Variants in ICA1 observed in about 807,000 individuals in gnomAD.
ICA1 encodes the protein islet cell autoantigen 1.
ICA1 carries 40 observed loss-of-function variants against 71.0 expected under a neutral mutation model. The observed-to-expected ratio is 0.56, with a 90% CI of 0.44 to 0.73. The LOEUF is 0.73. Ranked by LOEUF, ICA1 falls within the 30% of genes least tolerant of loss-of-function variation. The pLI is 0.00. For synonymous variants in ICA1, 207 were observed against 209.5 expected (o/e 0.99, Z 0.10); for missense variants, 578 against 576.5 (o/e 1.00, Z -0.03).
At chr7:8,128,769 A>G (rs574584932) in intron 12 of ICA1, among the ~76,000 whole-genome samples, 1 of 152,350 alleles carries the variant, frequency 6.6e-6, no homozygotes, top group South Asian at 2.1e-4. Context: ...GCAATAAAAT[A>G]AAAGGGAAAG....
chr7:8,208,212 C>T (rs139704011), intron 6 of ICA1, among the ~76,000 whole-genome samples: 197 of 152,190 alleles, frequency 1.3e-3, no homozygotes, highest in African/African-American at 4.4e-3. Context: ...TAGGCAACCA[C>T]GAAACCATTA....
At chr7:8,146,618 A>T (rs1796987883) in intron 8 of ICA1, among the ~76,000 whole-genome samples, 1 of 151,996 alleles carries the variant, frequency 6.6e-6, no homozygotes, top group Non-Finnish European at 1.5e-5. Flanking sequence ...AATGATACAA[A>T]GGGCAGTGTC....
intron 1 of ICA1, among the ~76,000 whole-genome samples, chr7:8,261,657 C>A (rs1812457546): frequency 6.6e-6 from 1 of 151,154 alleles, no homozygotes; most frequent in African/African-American, 2.4e-5. Flanking sequence ...GGCAGGTGAA[C>A]TTGTCAACAA....
At chr7:8,185,027 T>C (rs1377372301) in intron 6 of ICA1, among the ~76,000 whole-genome samples, 4 of 151,618 alleles carry the variant, frequency 2.6e-5, no homozygotes, top group Non-Finnish European at 5.9e-5. Flanking sequence ...TGACCTGAGA[T>C]TGTGCCACTG....
intron 12 of ICA1, among the ~76,000 whole-genome samples, chr7:8,129,877 C>T (rs934519089): frequency 9.4e-5 from 13 of 138,256 alleles, no homozygotes; most frequent in Admixed American, 3.0e-4. Flanking sequence ...CAACAGTCCC[C>T]GGTGTGTGAT....
chr7:8,182,267 T>C (rs1028365069), intron 6 of ICA1, among the ~76,000 whole-genome samples: 5 of 152,210 alleles, frequency 3.3e-5, no homozygotes, highest in Admixed American at 6.5e-5. Context: ...TCCTTTATGT[T>C]CTCTTTTCTA....
intron 1 of ICA1, among the ~76,000 whole-genome samples, chr7:8,259,589 A>G (rs1158120838): frequency 1.3e-5 from 2 of 152,256 alleles, no homozygotes; most frequent in Non-Finnish European, 2.9e-5. Flanking sequence ...AAAAGCGTGC[A>G]AAGCATTTTA....
rs540159242 is a variant in ICA1 at position 8,213,574 on chromosome 7, T to C, written c.579+4731A>G. On this transcript the variant is annotated intron_variant, in intron 6 of 13. Transcript: ENST00000402384. ...TTGCATTACTTAGTGTCTCCAACTC[T>C]CATGGGACCTGCCCTCAATTGCTAA... 2.3e-4 allele frequency among the ~76,000 whole-genome samples: 35 copies of C among 152,332 alleles called. No individual in the cohort carries two copies. In the South Asian group the frequency reaches 6.8e-3, roughly 30 times the overall value.
chr7:8,136,908 C>T (rs1793613532), intron 12 of ICA1, among the ~76,000 whole-genome samples: 1 of 152,180 alleles, frequency 6.6e-6, no homozygotes. Flanking sequence ...TTGGCACATG[C>T]TTTCGAGGAA....
intron 8 of ICA1, among the ~76,000 whole-genome samples, chr7:8,152,872 C>CCACCACCACAACCACCATCTCCTT (rs1562705217): frequency 9.8e-6 from 1 of 101,632 alleles, no homozygotes. Context: ...GCCACCATCA[C>CCACCACCACAACCACCATCTCCTT]CATCACCTCC....
At chr7:8,260,113 T>C (rs1811724168) in intron 1 of ICA1, among the ~76,000 whole-genome samples, 2 of 152,130 alleles carry the variant, frequency 1.3e-5, no homozygotes, top group Admixed American at 1.3e-4. Flanking sequence ...ACTTCCTCCC[T>C]CTCTCGCATG....
chr7:8,258,638 T>C (rs540599847), intron 1 of ICA1, among the ~76,000 whole-genome samples: 7 of 152,342 alleles, frequency 4.6e-5, no homozygotes, highest in African/African-American at 1.2e-4. Context: ...AGTCACATAG[T>C]AGGCAGGCTT....
chr7:8,188,144 G>A (rs1195896346), intron 6 of ICA1, among the ~76,000 whole-genome samples: 4 of 152,138 alleles, frequency 2.6e-5, no homozygotes, highest in Non-Finnish European at 4.4e-5. Flanking sequence ...TTTTCTTGGG[G>A]TGTTTTGTTA....
chr7:8,207,277 T>C (rs1353921816), intron 6 of ICA1, among the ~76,000 whole-genome samples: 1 of 152,164 alleles, frequency 6.6e-6, no homozygotes, highest in Non-Finnish European at 1.5e-5. Flanking sequence ...TTTCATTTGA[T>C]GGTAACAACA....
At chr7:8,218,974 G>A (rs1251683312) in intron 5 of ICA1, 5 of 206,730 alleles carry the variant, frequency 2.4e-5, no homozygotes, top group African/African-American at 9.1e-5. Context: ...TAGTCACAGA[G>A]GAATGAAATA....
chr7:8,124,055 C>T (rs1195715728), intron 13 of ICA1, among the ~76,000 whole-genome samples: 2 of 151,822 alleles, frequency 1.3e-5, no homozygotes, highest in Non-Finnish European at 2.9e-5. Context: ...ACGTGCCACA[C>T]TGAGTGCTGG....
chr7:8,117,073 G>A (rs1044981208), intron 13 of ICA1, among the ~76,000 whole-genome samples: 1 of 152,070 alleles, frequency 6.6e-6, no homozygotes, highest in African/African-American at 2.4e-5. Context: ...GAGATCTGAT[G>A]GTTTTATAAG....
chr7:8,122,834 A>G lies in ICA1; in HGVS notation c.1330+5039T>C, dbSNP rs187032543. ...CTGTATGTTTTTGGGAATTTGGAAC[A>G]AGATTCCTAACTTCGGTTTGCAGAG... On this transcript the variant is annotated intron_variant, in intron 13 of 13. Transcript: ENST00000402384. 3.3e-3 allele frequency among the ~76,000 whole-genome samples: 500 copies of G among 152,388 alleles called. 2 individuals are homozygous for G. The highest frequency in any genetic ancestry group is 9.5e-3 in the African/African-American group (397 of 41,594).
intron 8 of ICA1, among the ~76,000 whole-genome samples, chr7:8,145,822 G>A (rs781099126): frequency 6.7e-6 from 1 of 148,638 alleles, no homozygotes; most frequent in African/African-American, 2.5e-5. Flanking sequence ...AATTTGTGTA[G>A]ATATTTCATA....
Sources: allele counts gnomAD v4.1 joint callset (sites outside exome capture counted in the v4.1 genomes callset), GRCh38; gene constraint gnomAD v4.1.1; transcripts MANE v1.5; gene names NCBI Gene and HGNC (gene_info 2026-07-23, HGNC 2026-07-21).